GRID1: variants seen among roughly 807,000 people sequenced by gnomAD.
GRID1 encodes glutamate ionotropic receptor delta type subunit 1.
A neutral mutation model predicts 98.0 loss-of-function variants in GRID1; 28 were observed. The observed-to-expected ratio is 0.29, with a 90% confidence interval of 0.21 to 0.39. GRID1 has a LOEUF of 0.39. Among genes scored for constraint, GRID1 ranks in the 10% least tolerant of loss-of-function variants. The probability of loss-of-function intolerance (pLI) is 1.00; values close to 1 mark genes in which losing one functional copy is unlikely to be tolerated. For synonymous variants in GRID1, 553 were observed against 538.5 expected, an observed-to-expected ratio of 1.03 and a Z score of -0.37; for missense variants, 1,111 against 1,340.5, an observed-to-expected ratio of 0.83 and a Z score of 2.67.
At chr10:85,963,749 G>GTGTAACATT (rs1842302264) in intron 4 of GRID1, among the ~76,000 whole-genome samples, 1 of 152,154 alleles carries the variant, frequency 6.6e-6, no homozygotes, top group African/African-American at 2.4e-5. Flanking sequence ...CCTTCTATGT[G>GTGTAACATT]TGTAACATTT....
chr10:86,180,504 G>C (rs1475179337), intron 3 of GRID1, among the ~76,000 whole-genome samples: 1 of 152,146 alleles, frequency 6.6e-6, no homozygotes, highest in South Asian at 2.1e-4. Context: ...CCTGAGGTCA[G>C]GGGCAATGAT....
intron 2 of GRID1, among the ~76,000 whole-genome samples, chr10:86,274,938 C>A (rs1250422344): frequency 6.6e-6 from 1 of 152,096 alleles, no homozygotes; most frequent in Non-Finnish European, 1.5e-5. Flanking sequence ...GCCAGAACTT[C>A]CAACACTATG....
intron 3 of GRID1, among the ~76,000 whole-genome samples, chr10:86,154,227 G>A (rs1042750501): frequency 5.3e-5 from 8 of 152,134 alleles, no homozygotes; most frequent in African/African-American, 1.9e-4. Flanking sequence ...GGGGAGTAGG[G>A]AAGTGAGCCC....
chr10:86,302,136 T>C (rs1232975048), intron 2 of GRID1, among the ~76,000 whole-genome samples: 3 of 152,214 alleles, frequency 2.0e-5, no homozygotes, highest in Non-Finnish European at 2.9e-5. Context: ...CCCTGGCACA[T>C]GGTCTAGGTC....
intron 2 of GRID1, among the ~76,000 whole-genome samples, chr10:86,209,957 C>T (rs1017054946): frequency 3.9e-5 from 6 of 152,192 alleles, no homozygotes; most frequent in African/African-American, 1.4e-4. Flanking sequence ...CTCATACATA[C>T]ACTTGGTATC....
chr10:86,183,807 T>C (rs1045711751), intron 3 of GRID1, among the ~76,000 whole-genome samples: 1 of 152,266 alleles, frequency 6.6e-6, no homozygotes, highest in Non-Finnish European at 1.5e-5. Context: ...ATGACTGATA[T>C]GATAGGTGTA....
At chr10:85,961,754 T>C (rs1309664569) in intron 4 of GRID1, among the ~76,000 whole-genome samples, 1 of 151,788 alleles carries the variant, frequency 6.6e-6, no homozygotes, top group Non-Finnish European at 1.5e-5. Context: ...CTATCTTTCC[T>C]TCCTCCCTCT....
intron 8 of GRID1, among the ~76,000 whole-genome samples, chr10:85,802,526 C>A (rs927894511): frequency 2.0e-5 from 3 of 151,822 alleles, no homozygotes; most frequent in African/African-American, 4.8e-5. Context: ...TTATTCGTAA[C>A]CTTTTAAAAA....
At chr10:86,357,011 T>G (rs889984109) in intron 2 of GRID1, among the ~76,000 whole-genome samples, 4 of 152,216 alleles carry the variant, frequency 2.6e-5, no homozygotes, top group African/African-American at 9.6e-5. Flanking sequence ...CTGTGAGTGC[T>G]GAGGGACAGC....
intron 12 of GRID1, among the ~76,000 whole-genome samples, chr10:85,682,294 G>A (rs538057837): frequency 1.3e-4 from 20 of 152,338 alleles, no homozygotes; most frequent in Non-Finnish European, 2.4e-4. Context: ...CCACATTCCA[G>A]AGAGTTGGGA....
intron 5 of GRID1, among the ~76,000 whole-genome samples, chr10:85,871,265 A>C (rs866762049): frequency 1.3e-5 from 2 of 152,232 alleles, no homozygotes; most frequent in African/African-American, 4.8e-5. Flanking sequence ...AAAGTGTTGA[A>C]TATCTCACAG....
chr10:86,187,377 A>G (rs1205382552), intron 3 of GRID1, among the ~76,000 whole-genome samples: 2 of 152,204 alleles, frequency 1.3e-5, no homozygotes, highest in Non-Finnish European at 2.9e-5. Context: ...GGAGACATTG[A>G]GTACCTCACC....
intron 4 of GRID1, among the ~76,000 whole-genome samples, chr10:86,066,227 G>C (rs1464328007): frequency 1.3e-5 from 2 of 152,184 alleles, no homozygotes; most frequent in African/African-American, 4.8e-5. Context: ...CCTTCCCAGA[G>C]AGACGAATTC....
intron 2 of GRID1, among the ~76,000 whole-genome samples, chr10:86,306,885 C>A (rs1430907166): frequency 6.6e-6 from 1 of 152,182 alleles, no homozygotes; most frequent in Non-Finnish European, 1.5e-5. Flanking sequence ...ACCTTTGTTG[C>A]GATACAGTTG....
chr10:86,110,376 G>C (rs994142135), intron 4 of GRID1, among the ~76,000 whole-genome samples: 1 of 152,172 alleles, frequency 6.6e-6, no homozygotes, highest in Middle Eastern at 3.2e-3. Context: ...AAGGGCTGCT[G>C]GGTCTGTCTG....
intron 8 of GRID1, among the ~76,000 whole-genome samples, chr10:85,738,972 C>A (rs1590211931): frequency 6.6e-6 from 1 of 151,972 alleles, no homozygotes; most frequent in Non-Finnish European, 1.5e-5. Flanking sequence ...ACACCATATA[C>A]CTCAAATGGA....
intron 6 of GRID1, among the ~76,000 whole-genome samples, chr10:85,865,957 AG>A (rs1843215711): frequency 1.6e-4 from 1 of 6,438 alleles, no homozygotes; most frequent in East Asian, 5.0e-3. Flanking sequence ...ATATATATGG[AG>A]AGAGAGAGAG....
chr10:86,028,120 T>C (rs1843138981), intron 4 of GRID1, among the ~76,000 whole-genome samples: 1 of 152,316 alleles, frequency 6.6e-6, no homozygotes, highest in Non-Finnish European at 1.5e-5. Flanking sequence ...ACCCACCAGG[T>C]GTGTGTGGCT....
intron 2 of GRID1, among the ~76,000 whole-genome samples, chr10:86,329,550 C>G (rs1273605162): frequency 6.6e-6 from 1 of 152,202 alleles, no homozygotes; most frequent in African/African-American, 2.4e-5. Context: ...CAGACTCCCT[C>G]AGCTGGCAAT....
Sources: gnomAD v4.1 joint callset for allele counts (sites outside exome capture counted in the v4.1 genomes callset) on GRCh38, gnomAD v4.1.1 for gene constraint, MANE v1.5 for transcripts, NCBI Gene and HGNC (gene_info 2026-07-23, HGNC 2026-07-21) for gene names.